The following MAMSTR variants were observed in gnomAD, a reference collection of about 807,000 sequenced individuals.
MAMSTR encodes the protein MEF2-activating motif and SAP domain-containing transcriptional regulator.
In MAMSTR, 41 loss-of-function variants were observed where a neutral mutation model predicts 42.7. That is an observed-to-expected ratio of 0.96 (90% CI 0.75 to 1.25). MAMSTR has a LOEUF of 1.25. MAMSTR is among the 50% of genes most tolerant of loss of function. The pLI, the probability that MAMSTR is intolerant of heterozygous loss-of-function variation, is 0.00. For missense variants in MAMSTR, 567 were observed against 557.6 expected (o/e 1.02, Z -0.17); for synonymous variants, 265 against 244.1 (o/e 1.09, Z -0.80).
Position 48,713,780 on chromosome 19 carries a change from G to C in MAMSTR, c.910-10C>G. 1.2e-6 allele frequency: 2 copies of C among 1,614,254 alleles called. No homozygotes were observed. The highest frequency in any genetic ancestry group is 1.7e-6 in the Non-Finnish European group (2 of 1,180,052). On this transcript the variant is annotated splice_polypyrimidine_tract_variant and intron_variant, in intron 8 of 9. Coordinates refer to ENST00000318083, the MANE Select transcript of MAMSTR (RefSeq NM_001130915.2). Reference sequence around the variant, plus strand: ...CCCGGTTAGGAAGCAACTGCGGATGGAGAAATTTGGCGTGAACTCGGGACT... The same window carrying C: ...CCCGGTTAGGAAGCAACTGCGGATGCAGAAATTTGGCGTGAACTCGGGACT...
Position 48,714,188 on chromosome 19 carries a change from T to C in MAMSTR, c.724-143A>G, listed in dbSNP as rs895223115. 3 of 1,059,842 alleles carry C rather than the reference T, an allele frequency of 2.8e-6. No homozygotes were observed. In the African/African-American group the frequency reaches 4.8e-5, roughly 17 times the overall value. The allele number at this position is 1,059,842 out of a possible 1,614,324, so 65.7% of individuals were successfully genotyped here. ...TTTGGCCTCGCCCCCTATTCTTTCA[T>C]TGGCTCCTCTTCTCTAAAGATCCGC... On this transcript the variant is annotated intron_variant, in intron 7 of 9. Coordinates refer to ENST00000318083, the MANE Select transcript of MAMSTR (RefSeq NM_001130915.2).
chr19:48,708,253 AG>A (rs1392555065), downstream of MAMSTR, among the ~76,000 whole-genome samples: 586 of 149,392 alleles, frequency 3.9e-3, 8 homozygotes, highest in African/African-American at 0.013. Flanking sequence ...AAAAAAAAAA[AG>A]AAGAAGAAGG....
downstream of MAMSTR, among the ~76,000 whole-genome samples, chr19:48,707,883 G>GAAAGAAAGAAAGA (rs1555755213): frequency 6.6e-5 from 7 of 106,108 alleles, no homozygotes; most frequent in South Asian, 1.1e-3. Context: ...AAGAAAGAAA[G>GAAAGAAAGAAAGA]AAAGAAAAGA....
rs146969646 is a variant in MAMSTR, at chr19:48,713,608, C to T, written c.965-58G>A. 1.2e-4 allele frequency: 192 copies of T among 1,599,840 alleles called. 1 individual carries two copies. In the Middle Eastern group the frequency reaches 1.2e-3, roughly 10 times the overall value. On this transcript the variant is annotated intron_variant, in intron 9 of 9. Coordinates refer to ENST00000318083, the MANE Select transcript of MAMSTR (RefSeq NM_001130915.2). ...AAGTCAGGGGTCCGGGCGCCAGCCC[C>T]CCATACCCCATTTCCAGGATCCAGC...
rs2032916655 is a variant in MAMSTR, at chr19:48,714,645, G to A, written c.529-85C>T. 2.2e-6 allele frequency: 3 copies of A among 1,360,190 alleles called. No homozygotes were observed. The East Asian group carries it at 7.1e-5, about 32-fold the overall frequency. 84.3% of individuals were successfully genotyped at this position (1,360,190 alleles called of 1,614,324 possible). Reference sequence around the variant, plus strand: ...GAGCTGGACAGGATATTTGGAAACCGAGAAAGGAGGCACTGGGGGTCCGGA... The same window carrying A: ...GAGCTGGACAGGATATTTGGAAACCAAGAAAGGAGGCACTGGGGGTCCGGA... On this transcript the variant is annotated intron_variant, in intron 6 of 9. Transcript: ENST00000318083.
At chr19:48,714,191 G>A (rs1013639753) in intron 7 of MAMSTR, 146 bp from the exon 8 acceptor site, 3 of 1,056,066 alleles carry the variant, frequency 2.8e-6, no homozygotes, top group East Asian at 5.6e-5. Context: ...TCTTTCATTG[G>A]CTCCTCTTCT....
downstream of MAMSTR, among the ~76,000 whole-genome samples, chr19:48,711,491 T>C (rs281381): frequency 0.38 from 58,239 of 152,120 alleles, 11,911 homozygotes; most frequent in East Asian, 0.84. Flanking sequence ...AGTCAACCCA[T>C]GCATTTGTGA....
chr19:48,710,390 C>G (rs558170462), downstream of MAMSTR, among the ~76,000 whole-genome samples: 6 of 145,946 alleles, frequency 4.1e-5, no homozygotes, highest in Admixed American at 2.1e-4. Context: ...GCCAGGATTA[C>G]AGGCGTGAAT....
chr19:48,716,086 T>G (rs1170494568), intron 3 of MAMSTR, among the ~76,000 whole-genome samples: 1 of 151,954 alleles, frequency 6.6e-6, no homozygotes, highest in Non-Finnish European at 1.5e-5. Context: ...GGCTGAAAGC[T>G]ACATCCAGGC....
rs568331114 is a variant in MAMSTR, at chr19:48,716,147, G to A, written c.98-380C>T. ...TCCCAGCAGTTTGGGAGACTGAGGC[G>A]GGCGGATCACTTGAGGTCAGGAGTT... is the stretch of plus-strand genomic sequence containing the variant. On this transcript the variant is annotated intron_variant, in intron 3 of 9. Coordinates refer to ENST00000318083, the MANE Select transcript of MAMSTR (RefSeq NM_001130915.2). Among the ~76,000 whole-genome samples, 7 of 152,070 alleles carry A rather than the reference G, an allele frequency of 4.6e-5. No individual in the cohort carries two copies. The East Asian group carries it at 7.7e-4, about 17-fold the overall frequency.
chr19:48,714,525 G>A lies in MAMSTR; in HGVS notation c.564C>T (p.Gly188=). The A allele has an allele frequency of 2.1e-6, 3 of 1,455,184 alleles. No homozygotes were observed. Among genetic ancestry groups the A allele is most frequent in the Non-Finnish European group, 2.7e-6 (3 of 1,116,134 alleles). The allele number at this position is 1,455,184 out of a possible 1,614,324, so 90.1% of individuals were successfully genotyped here. A position where few individuals can be genotyped will look rare whatever the true frequency, so the allele number is the denominator to read the frequency against. Residue 188 remains glycine, a synonymous_variant, in exon 7 of 10, where the codon GGC becomes GGT. Coordinates refer to ENST00000318083, the MANE Select transcript of MAMSTR (RefSeq NM_001130915.2). ...TAGACTTGGTCCCCGACACTGGGAGGCCCCGCAGGCGCAGCTGCTGCCGGA... is the reference window on the plus strand; with the variant it reads ...TAGACTTGGTCCCCGACACTGGGAGACCCCGCAGGCGCAGCTGCTGCCGGA... ...SELRQQLRLR[G]LPVSGTKSML...
At chr19:48,717,974 G>A (rs1241940033) in intron 2 of MAMSTR, among the ~76,000 whole-genome samples, 1 of 152,176 alleles carries the variant, frequency 6.6e-6, no homozygotes, top group Non-Finnish European at 1.5e-5. Context: ...CAAAGTGCTA[G>A]GACTACAGGC....
chr19:48,711,104 C>T (rs1490763618), downstream of MAMSTR, among the ~76,000 whole-genome samples: 1 of 152,164 alleles, frequency 6.6e-6, no homozygotes, highest in Non-Finnish European at 1.5e-5. Flanking sequence ...ATAGTGCCCT[C>T]CCGTATTTAA....
At chr19:48,713,811 C>G (rs1413165135) in intron 8 of MAMSTR, 41 bp from the exon 9 acceptor site, 4 of 1,614,114 alleles carry the variant, frequency 2.5e-6, no homozygotes, top group Non-Finnish European at 3.4e-6. Flanking sequence ...GGACTGCGAC[C>G]TGGACCTGAC....
Position 48,718,683 on chromosome 19 carries a change from C to A in MAMSTR, c.58+291G>T, listed in dbSNP as rs145753085. 9.2e-5 allele frequency among the ~76,000 whole-genome samples: 14 copies of A among 152,228 alleles called. No individual in the cohort carries two copies. In the East Asian group the frequency reaches 2.3e-3, roughly 25 times the overall value. ...CTGAGGTCCCTCCTCTGCTCTTCTG[C>A]CCCTGCGTGTGCGCCAGTATAAGCC... On this transcript the variant is annotated intron_variant, in intron 2 of 9. Transcript: ENST00000318083.
chr19:48,706,303 T>G, the MAMSTR span, among the ~76,000 whole-genome samples: 66,087 of 145,952 alleles, frequency 0.45, 15,670 homozygotes, highest in Middle Eastern at 0.61. Context: ...AAAAAAAAAA[T>G]TCTTAAGAGT....
chr19:48,707,843 GAAA>G (rs1568463967), downstream of MAMSTR, among the ~76,000 whole-genome samples: 177 of 57,732 alleles, frequency 3.1e-3, 1 homozygote, highest in African/African-American at 0.012. Flanking sequence ...AGAAAGGAAA[GAAA>G]GAAAGAAAGA....
Position 48,714,536 on chromosome 19 carries a change from G to A in MAMSTR, c.553C>T (p.Arg185Cys), listed in dbSNP as rs1601249623. The A allele has an allele frequency of 6.9e-7, 1 of 1,457,188 alleles. No homozygotes were observed. Among genetic ancestry groups the A allele is most frequent in the Non-Finnish European group, 9.0e-7 (1 of 1,117,236 alleles). 90.3% of individuals were successfully genotyped at this position (1,457,188 alleles called of 1,614,324 possible). ...CCCGACACTGGGAGGCCCCGCAGGC[G>A]CAGCTGCTGCCGGAGCTCTGAGACC... ...LTVSELRQQL[R>C]LRGLPVSGTK... Residue 185 changes from arginine to cysteine, a missense_variant, in exon 7 of 10, where the codon CGC becomes TGC. By Grantham distance (180) the Arg-to-Cys change is radical (BLOSUM62 -3). Coordinates refer to ENST00000318083, the MANE Select transcript of MAMSTR (RefSeq NM_001130915.2).
chr19:48,716,598 A>T (rs184932902), intron 3 of MAMSTR, 107 bp downstream of exon 3: 1 of 1,218,028 alleles, frequency 8.2e-7, no homozygotes, highest in East Asian at 3.2e-5. Context: ...CAGGGGATGG[A>T]GACTGAGCTG....
Sources: allele counts gnomAD v4.1 joint callset (sites outside exome capture counted in the v4.1 genomes callset), GRCh38; gene constraint gnomAD v4.1.1; transcripts MANE v1.5; gene names NCBI Gene and HGNC (gene_info 2026-07-23, HGNC 2026-07-21).